The following TRPC6 variants were observed in gnomAD, a reference collection of about 807,000 sequenced individuals.
TRPC6 encodes the protein transient receptor potential cation channel subfamily C member 6, also known as short transient receptor potential channel 6.
Under a neutral mutation model 90.7 loss-of-function variants are expected in TRPC6, and 55 were observed. The ratio of observed to expected loss-of-function variants is 0.61; its 90% CI spans 0.49 to 0.76. The LOEUF (loss-of-function observed/expected upper bound fraction) is 0.76, where lower values mean the gene tolerates loss of function less well. TRPC6 is among the 30% of genes least tolerant of loss of function. TRPC6 has a pLI of 0.00. For missense variants in TRPC6, 989 were observed against 1,122.7 expected (o/e 0.88, Z 1.70); for synonymous variants, 393 against 393.0 (o/e 1.00, Z 0.00).
chr11:101,508,196 T>G (rs1860317871), intron 1 of TRPC6, among the ~76,000 whole-genome samples: 1 of 152,160 alleles, frequency 6.6e-6, no homozygotes, highest in South Asian at 2.1e-4. Flanking sequence ...CCTGAGTTGC[T>G]TTTTTATGTT....
At chr11:101,545,384 A>C (rs1329520659) in intron 1 of TRPC6, among the ~76,000 whole-genome samples, 1 of 152,154 alleles carries the variant, frequency 6.6e-6, no homozygotes. Context: ...CAGGGACTTA[A>C]GCATCCATAT....
chr11:101,562,427 A>T (rs1565246012), intron 1 of TRPC6, among the ~76,000 whole-genome samples: 2 of 152,094 alleles, frequency 1.3e-5, no homozygotes, highest in Admixed American at 6.6e-5. Context: ...TTCCAGGGTA[A>T]ATCCCTTTGC....
chr11:101,524,824 T>C (rs1420895560), intron 1 of TRPC6, among the ~76,000 whole-genome samples: 1 of 152,224 alleles, frequency 6.6e-6, no homozygotes, highest in African/African-American at 2.4e-5. Flanking sequence ...CTTTCACTTG[T>C]TTTGTGTCAT....
At chr11:101,469,331 T>C in intron 10 of TRPC6, 96 bp downstream of exon 10, 1 of 695,890 alleles carries the variant, frequency 1.4e-6, no homozygotes, top group East Asian at 2.7e-5. Context: ...GGGTCTGTTC[T>C]CTACTTGCTA....
In TRPC6 at chr11:101,546,238, AT is replaced by A. The variant is rs538773437; in HGVS notation, c.170+37095del. ...AGGCGCCCGCCACCGCGCCCGGCTA[AT>A]TTTTTTGTATTTTTAGTAGAGACGG... On this transcript the variant is annotated intron_variant, in intron 1 of 12. Coordinates refer to ENST00000344327, the MANE Select transcript of TRPC6 (RefSeq NM_004621.6). Among the ~76,000 whole-genome samples the A allele has an allele frequency of 1.8e-3, 192 of 107,188 alleles. 25 individuals carry two copies. The highest frequency in any genetic ancestry group is 6.7e-3 in the African/African-American group (180 of 26,932). The allele number at this position is 107,188 out of a possible 152,430, so 70.3% of individuals were successfully genotyped here.
intron 2 of TRPC6, among the ~76,000 whole-genome samples, chr11:101,493,065 C>T (rs531403025): frequency 6.6e-6 from 1 of 152,082 alleles, no homozygotes; most frequent in Admixed American, 6.6e-5. Context: ...CATTTTATAT[C>T]TTCATTCATG....
At chr11:101,471,828 T>A (rs1194887933) in intron 8 of TRPC6, among the ~76,000 whole-genome samples, 1 of 152,236 alleles carries the variant, frequency 6.6e-6, no homozygotes, top group Non-Finnish European at 1.5e-5. Context: ...ATGGTATTCA[T>A]AAGCAATAAT....
intron 1 of TRPC6, among the ~76,000 whole-genome samples, chr11:101,577,435 G>C (rs1862093551): frequency 6.6e-6 from 1 of 152,184 alleles, no homozygotes; most frequent in Non-Finnish European, 1.5e-5. Flanking sequence ...CCACACTTCT[G>C]TAGGTCAGTG....
intron 1 of TRPC6, among the ~76,000 whole-genome samples, chr11:101,557,216 A>G (rs1323309375): frequency 6.6e-6 from 1 of 152,068 alleles, no homozygotes; most frequent in East Asian, 1.9e-4. Context: ...TTAGCCAGGC[A>G]TGGTGGCACA....
intron 1 of TRPC6, among the ~76,000 whole-genome samples, chr11:101,524,395 C>G (rs1860729222): frequency 6.6e-6 from 1 of 152,174 alleles, no homozygotes; most frequent in African/African-American, 2.4e-5. Flanking sequence ...ACTACAGGCG[C>G]CTGCCACCAT....
intron 1 of TRPC6, among the ~76,000 whole-genome samples, chr11:101,509,924 A>T (rs983187302): frequency 7.2e-5 from 11 of 152,154 alleles, no homozygotes; most frequent in Admixed American, 2.0e-4. Flanking sequence ...TGTATCTGAT[A>T]CATTTTTGTT....
intron 1 of TRPC6, among the ~76,000 whole-genome samples, chr11:101,579,254 GTTCTATTTGTCCTT>G (rs1862137688): frequency 6.6e-6 from 1 of 151,764 alleles, no homozygotes; most frequent in Admixed American, 6.6e-5. Flanking sequence ...ACTTATAGAT[GTTCTATTTGTCCTT>G]TTCTTTAAAA....
At chr11:101,476,613 G>C in intron 5 of TRPC6, 79 bp from the exon 6 acceptor site, 1 of 1,316,560 alleles carries the variant, frequency 7.6e-7, no homozygotes, top group Non-Finnish European at 1.1e-6. Flanking sequence ...ATGTTTGAAA[G>C]GTCTCAGCCT....
In TRPC6 at chr11:101,482,969, A is replaced by G; in HGVS notation, c.1490T>C (p.Leu497Pro). The G allele has an allele frequency of 6.2e-7, 1 of 1,614,012 alleles. No individual in the cohort carries two copies. The highest frequency in any genetic ancestry group is 8.5e-7 in the Non-Finnish European group (1 of 1,179,870). Residue 497 changes from leucine to proline, a missense_variant, in exon 5 of 13, where the codon CTC (leucine) becomes CCC (proline). By Grantham distance (98) the Leu-to-Pro change is moderately conservative (BLOSUM62 -3). This residue lies in a region of TRPC6 where 486 missense variants were observed against 591.9 expected (regional missense o/e 0.82). Transcript: ENST00000344327. ...TTTACCTATTACCCAGGATATAATG[A>G]GCATCTCCATCCATGAGAAGCAGGA... ...KTSCFSWMEM[L>P]IISWVIGMIW...
At chr11:101,469,625 G>A (rs567539050) in intron 9 of TRPC6, 124 bp from the exon 10 acceptor site, 98 of 604,946 alleles carry the variant, frequency 1.6e-4, no homozygotes, top group Non-Finnish European at 2.4e-4. Context: ...TATTCTTACG[G>A]GGTTCTTCCC....
At chr11:101,470,440 GTCC>G (rs768618973) in intron 9 of TRPC6, among the ~76,000 whole-genome samples, 3 of 151,818 alleles carry the variant, frequency 2.0e-5, no homozygotes, top group South Asian at 2.1e-4. Context: ...TTCCATTCTG[GTCC>G]TCCTCCTCTG....
At chr11:101,576,641 T>C (rs777944848) in intron 1 of TRPC6, among the ~76,000 whole-genome samples, 1 of 152,198 alleles carries the variant, frequency 6.6e-6, no homozygotes, top group Non-Finnish European at 1.5e-5. Flanking sequence ...ATGGTAATTT[T>C]ATCCAACTGG....
chr11:101,504,442 A>G lies in TRPC6; in HGVS notation c.527T>C (p.Ile176Thr). The G allele has an allele frequency of 6.2e-7, 1 of 1,614,086 alleles. No homozygotes were observed. Among genetic ancestry groups the G allele is most frequent in the Non-Finnish European group, 8.5e-7 (1 of 1,180,008 alleles). ...LLAISKGYVR[I>T]VEAILSHPAF... ...CGGATGACTGAGAATTGCTTCCACA[A>G]TCCGAACATAACCTTTACTAATAGC... Residue 176 changes from isoleucine (I) to threonine (T), a missense_variant, in exon 2 of 13, where the codon ATT becomes ACT. Ile to Thr is a moderately conservative substitution (Grantham distance 89, BLOSUM62 -1). Transcript: ENST00000344327.
At chr11:101,499,392 T>C (rs540525612) in intron 2 of TRPC6, among the ~76,000 whole-genome samples, 11 of 151,994 alleles carry the variant, frequency 7.2e-5, no homozygotes, top group African/African-American at 2.4e-4. Context: ...TGATTTAGAA[T>C]TTTAATCTAG....
Sources: gnomAD v4.1 joint callset for allele counts (sites outside exome capture counted in the v4.1 genomes callset) on GRCh38, gnomAD v4.1.1 for gene constraint, gnomAD v4.1.1 regional missense constraint, MANE v1.5 for transcripts, NCBI Gene and HGNC (gene_info 2026-07-23, HGNC 2026-07-21) for gene names.